Variants in TENM2 observed in about 807,000 individuals in gnomAD.
TENM2 encodes the protein teneurin transmembrane protein 2.
TENM2 carries 52 observed loss-of-function variants against 245.2 expected under a neutral mutation model. That is an observed-to-expected ratio of 0.21 (90% confidence interval 0.17 to 0.27). The LOEUF (loss-of-function observed/expected upper bound fraction) is 0.27, where lower values mean the gene tolerates loss of function less well. Ranked by LOEUF, TENM2 falls within the 10% of genes least tolerant of loss-of-function variation. The pLI is 1.00. For missense variants in TENM2, 3,046 were observed against 3,666.8 expected (o/e 0.83, Z 4.37); for synonymous variants, 1,363 against 1,438.9 (o/e 0.95, Z 1.19).
At chr5:167,754,956 G>A (rs1012609735) in intron 2 of TENM2, 2 of 1,478,218 alleles carry the variant, frequency 1.4e-6, no homozygotes, top group Non-Finnish European at 1.8e-6. Context: ...TTCCCAGCTG[G>A]AGAAGGCCTC....
chr5:167,490,774 ATTAG>A (rs1217913627), intron 2 of TENM2, among the ~76,000 whole-genome samples: 4 of 152,162 alleles, frequency 2.6e-5, no homozygotes, highest in Non-Finnish European at 5.9e-5. Context: ...TTATTGATTT[ATTAG>A]TTAAGCCTCT....
chr5:167,013,159 G>T, the TENM2 span, among the ~76,000 whole-genome samples: 1 of 152,160 alleles, frequency 6.6e-6, no homozygotes, highest in African/African-American at 2.4e-5. Flanking sequence ...ACCCGGACAT[G>T]TAAAGTGGAA....
chr5:167,579,398 A>G (rs1029210951), intron 2 of TENM2, among the ~76,000 whole-genome samples: 3 of 152,162 alleles, frequency 2.0e-5, no homozygotes, highest in Admixed American at 2.0e-4. Context: ...TTCACTGGAG[A>G]TATGTGTCTT....
chr5:167,128,546 CT>C, the TENM2 span, among the ~76,000 whole-genome samples: 1 of 149,162 alleles, frequency 6.7e-6, no homozygotes, highest in Non-Finnish European at 1.5e-5. Context: ...CTAGTGTAGA[CT>C]TTCATTAAAA....
intron 5 of TENM2, among the ~76,000 whole-genome samples, chr5:168,029,740 C>G (rs1157821398): frequency 6.6e-6 from 1 of 152,208 alleles, no homozygotes; most frequent in Admixed American, 6.5e-5. Flanking sequence ...CCTTAACTGG[C>G]ACCGTGCCTA....
intron 5 of TENM2, among the ~76,000 whole-genome samples, chr5:168,006,733 C>G (rs902581331): frequency 6.6e-6 from 1 of 152,130 alleles, no homozygotes; most frequent in Non-Finnish European, 1.5e-5. Context: ...TGCCTGCGGT[C>G]GTATTAACCA....
At chr5:167,341,613 A>G (rs952787376) in intron 1 of TENM2, among the ~76,000 whole-genome samples, 2 of 151,974 alleles carry the variant, frequency 1.3e-5, no homozygotes, top group African/African-American at 2.4e-5. Context: ...GTGATGATTG[A>G]AAAAAAATCT....
the TENM2 span, among the ~76,000 whole-genome samples, chr5:167,159,048 G>C: frequency 6.6e-6 from 1 of 151,202 alleles, no homozygotes; most frequent in Non-Finnish European, 1.5e-5. Context: ...CGCCTCCTGG[G>C]TTCAAGAAAT....
rs758002220 is a variant in TENM2, at chr5:168,244,645, G to A, written c.5746G>A (p.Asp1916Asn). ...GGCCATGAGCGAGAGGACAGACATC[G>A]ACAAGCAAGGCCGCATCGTGTCCCG... Residue 1916 changes from aspartate (D) to asparagine (N), a missense_variant, in exon 26 of 29, where the codon GAC (aspartate) becomes AAC (asparagine). By Grantham distance (23) the Asp-to-Asn change is conservative. Around this residue, in one of 2 missense-constraint regions of TENM2, gnomAD observed 2,704 missense variants for 3,331.9 expected, o/e 0.81. Transcript: ENST00000518659. This position sits in a 1 kb window ranked among gnomAD's most constrained non-coding sequence, Gnocchi z 4.9. The A allele has an allele frequency of 8.3e-6, 13 of 1,564,204 alleles. No individual in the cohort carries two copies. The highest frequency in any genetic ancestry group is 2.3e-5 in the East Asian group (1 of 43,360).
intron 2 of TENM2, among the ~76,000 whole-genome samples, chr5:167,442,950 G>T (rs1426103406): frequency 6.6e-6 from 1 of 152,114 alleles, no homozygotes; most frequent in Non-Finnish European, 1.5e-5. Flanking sequence ...TCATTGACTT[G>T]GAGTTGCTCA....
At chr5:167,694,431 C>T (rs1757631559) in intron 2 of TENM2, among the ~76,000 whole-genome samples, 1 of 152,152 alleles carries the variant, frequency 6.6e-6, no homozygotes, top group African/African-American at 2.4e-5. Context: ...AGCAGAGCAT[C>T]CCTTTCCCCA....
At chr5:167,326,698 AATAAAT>A (rs1018738104) in intron 1 of TENM2, among the ~76,000 whole-genome samples, 198 of 114,708 alleles carry the variant, frequency 1.7e-3, no homozygotes, top group African/African-American at 6.7e-3. Context: ...TATAATAATA[AATAAAT>A]ATATATATAT....
At chr5:167,619,231 A>G (rs900773965) in intron 2 of TENM2, among the ~76,000 whole-genome samples, 3 of 152,254 alleles carry the variant, frequency 2.0e-5, no homozygotes, top group South Asian at 2.1e-4. Flanking sequence ...ATATTGTGTC[A>G]TCAGTAACAA....
At chr5:168,191,521 A>G (rs1432454052) in intron 14 of TENM2, among the ~76,000 whole-genome samples, 1 of 152,112 alleles carries the variant, frequency 6.6e-6, no homozygotes, top group African/African-American at 2.4e-5. Flanking sequence ...CTTCACATCA[A>G]GAAATAAAAA....
Position 167,496,473 on chromosome 5 carries a change from GTCC to G in TENM2, c.502+121005_502+121007del, listed in dbSNP as rs1768827260. On this transcript the variant is annotated intron_variant, in intron 2 of 28. Transcript: ENST00000518659. Reference sequence around the variant, plus strand: ...ATCCTTTTCTCTTTCTCCATTACATGTCCTCCTTTTATTTGTTGTTGTTTCTTG... The same window carrying G: ...ATCCTTTTCTCTTTCTCCATTACATGTCCTTTTATTTGTTGTTGTTTCTTG... Among the ~76,000 whole-genome samples the G allele has an allele frequency of 2.6e-5, 4 of 152,118 alleles. No individual in the cohort carries two copies. The South Asian group carries it at 8.3e-4, about 32-fold the overall frequency.
Position 167,721,614 on chromosome 5 carries a change from C to T in TENM2, c.503-154372C>T, listed in dbSNP as rs113954407. Among the ~76,000 whole-genome samples the T allele has an allele frequency of 8.2e-3, 1,248 of 152,264 alleles. 14 individuals are homozygous for T. Among genetic ancestry groups the T allele is most frequent in the Middle Eastern group, 0.027 (8 of 294 alleles). ...TGAGCCTGCTTTAGTTGTCACATTTCCCTCTGACCACAGCCAGGAAAATTT... is the reference window on the plus strand; with the variant it reads ...TGAGCCTGCTTTAGTTGTCACATTTTCCTCTGACCACAGCCAGGAAAATTT... On this transcript the variant is annotated intron_variant, in intron 2 of 28. Coordinates refer to ENST00000518659, the Ensembl canonical transcript of TENM2.
At chr5:167,047,345 T>C in the TENM2 span, among the ~76,000 whole-genome samples, 1 of 152,128 alleles carries the variant, frequency 6.6e-6, no homozygotes, top group Non-Finnish European at 1.5e-5. Context: ...CATCTGTACC[T>C]TGCATTACTC....
chr5:167,751,309 C>T (rs549074865), intron 2 of TENM2, among the ~76,000 whole-genome samples: 1 of 152,256 alleles, frequency 6.6e-6, no homozygotes, highest in East Asian at 1.9e-4. Flanking sequence ...TTTAAAAGAT[C>T]ATTTTGCCTG....
At chr5:168,066,229 T>A (rs1790492210) in intron 7 of TENM2, among the ~76,000 whole-genome samples, 1 of 152,198 alleles carries the variant, frequency 6.6e-6, no homozygotes, top group African/African-American at 2.4e-5. Flanking sequence ...GATGGAGAAT[T>A]GTGTACCAAT....
Sources: allele counts gnomAD v4.1 joint callset (sites outside exome capture counted in the v4.1 genomes callset), GRCh38; gene constraint gnomAD v4.1.1; regional missense constraint gnomAD v4.1.1; non-coding constraint Gnocchi (gnomAD v3.1); transcripts MANE v1.5; gene names NCBI Gene and HGNC (gene_info 2026-07-23, HGNC 2026-07-21).